Variants in GABRB2 observed in about 807,000 individuals in gnomAD.
The protein encoded by GABRB2 is gamma-aminobutyric acid type A receptor subunit beta2.
Under a neutral mutation model 54.7 loss-of-function variants are expected in GABRB2, and 16 were observed. The observed-to-expected ratio is 0.29, with a 90% CI of 0.20 to 0.44. GABRB2 has a LOEUF of 0.44. GABRB2 is among the 20% of genes least tolerant of loss of function. The pLI, the probability that GABRB2 is intolerant of heterozygous loss-of-function variation, is 1.00. For missense variants in GABRB2, 355 were observed against 644.0 expected (o/e 0.55, Z 4.86); for synonymous variants, 244 against 233.8 (o/e 1.04, Z -0.40).
intron 4 of GABRB2, among the ~76,000 whole-genome samples, chr5:161,424,594 T>A (rs1404915494): frequency 6.6e-6 from 1 of 152,144 alleles, no homozygotes; most frequent in African/African-American, 2.4e-5. Flanking sequence ...TAGGTTCCTT[T>A]CAAAATGTTA....
intron 9 of GABRB2, among the ~76,000 whole-genome samples, chr5:161,295,824 T>C (rs984152854): frequency 3.3e-5 from 5 of 152,252 alleles, no homozygotes; most frequent in African/African-American, 2.4e-5. Flanking sequence ...CTTTATGGTA[T>C]CATTTTGCTT....
intron 3 of GABRB2, among the ~76,000 whole-genome samples, chr5:161,500,698 G>A (rs1464556168): frequency 6.6e-6 from 1 of 152,096 alleles, no homozygotes; most frequent in Non-Finnish European, 1.5e-5. Context: ...TCATTGCAGG[G>A]AGATTATTGA....
At chr5:161,517,953 C>T (rs538162835) in intron 3 of GABRB2, among the ~76,000 whole-genome samples, 2 of 150,104 alleles carry the variant, frequency 1.3e-5, no homozygotes, top group South Asian at 4.2e-4. Context: ...CCCGCCACCA[C>T]ACCCGCCACC....
Position 161,293,700 on chromosome 5 carries a change from C to T in GABRB2, c.*381G>A, listed in dbSNP as rs907079848. On this transcript the variant is annotated 3_prime_UTR_variant, in exon 10 of 10. Transcript: ENST00000393959. ...GGACAATGCCATCTCAACAGCATGC[C>T]GACCTTAAAAAGGAAGATGAGGAGT... 9 of 183,740 alleles carry T rather than the reference C, an allele frequency of 4.9e-5. No homozygotes were observed. The highest frequency in any genetic ancestry group is 2.5e-3 in the Middle Eastern group (1 of 406). The allele number at this position is 183,740 out of a possible 1,614,324, so 11.4% of individuals were successfully genotyped here. A position where few individuals can be genotyped will look rare whatever the true frequency, so the allele number is the denominator to read the frequency against.
intron 4 of GABRB2, among the ~76,000 whole-genome samples, chr5:161,424,435 A>T (rs1036077757): frequency 6.6e-6 from 1 of 152,128 alleles, no homozygotes; most frequent in African/African-American, 2.4e-5. Context: ...ACCATTCCCA[A>T]AATCATAAGG....
At position 161,432,810 on chromosome 5, in the gene GABRB2, C is replaced by T. The variant is rs919224434; in HGVS notation, c.459-21753G>A. Among the ~76,000 whole-genome samples, 9 of 152,196 alleles carry T rather than the reference C, an allele frequency of 5.9e-5. No individual in the cohort carries two copies. In the East Asian group the frequency reaches 7.7e-4, roughly 13 times the overall value. On this transcript the variant is annotated intron_variant, in intron 4 of 9. Transcript: ENST00000393959. ...TGCTGTTCCCCGAGAGTCACCACAC[C>T]GCTGACTGCCATAAACTTAGACTGG...
intron 3 of GABRB2, among the ~76,000 whole-genome samples, chr5:161,525,076 T>G (rs1008577665): frequency 2.0e-5 from 3 of 151,484 alleles, no homozygotes; most frequent in African/African-American, 7.2e-5. Flanking sequence ...TATTTTGGAC[T>G]TTGCAAGCCA....
At chr5:161,540,456 G>A (rs532787699) in intron 3 of GABRB2, among the ~76,000 whole-genome samples, 3 of 152,246 alleles carry the variant, frequency 2.0e-5, no homozygotes, top group African/African-American at 7.2e-5. Flanking sequence ...ACACCTCAAA[G>A]TCATTCATGA....
chr5:161,473,361 A>T (rs975407087), intron 3 of GABRB2, among the ~76,000 whole-genome samples: 1 of 152,040 alleles, frequency 6.6e-6, no homozygotes. Flanking sequence ...GTAGGCCATG[A>T]TCCAAGATGC....
At chr5:161,338,258 TAC>T (rs1470339106) in intron 5 of GABRB2, among the ~76,000 whole-genome samples, 3 of 152,166 alleles carry the variant, frequency 2.0e-5, no homozygotes, top group Non-Finnish European at 2.9e-5. Flanking sequence ...GATGCAGAAC[TAC>T]AGTTTTTTGG....
At chr5:161,528,219 G>T (rs993164813) in intron 3 of GABRB2, among the ~76,000 whole-genome samples, 1 of 151,726 alleles carries the variant, frequency 6.6e-6, no homozygotes, top group Non-Finnish European at 1.5e-5. Flanking sequence ...TATTTCATGT[G>T]CATTCATGTG....
intron 4 of GABRB2, among the ~76,000 whole-genome samples, chr5:161,438,047 G>A (rs1008566053): frequency 1.3e-5 from 2 of 152,184 alleles, no homozygotes; most frequent in Non-Finnish European, 2.9e-5. Context: ...GGCCTTGAAT[G>A]AACCAAGGCA....
At position 161,463,555 on chromosome 5, in the gene GABRB2, T is replaced by TAGATA. The variant is rs1236064276; in HGVS notation, c.238-3712_238-3711insTATCT. On this transcript the variant is annotated intron_variant, in intron 3 of 9. Coordinates refer to ENST00000393959, the MANE Select transcript of GABRB2 (RefSeq NM_001371727.1). ...ACAAGGTGATTCCAAATATTTTTAT[T>TAGATA]TATATATATATATATATATATATAT... Among the ~76,000 whole-genome samples, 133 of 23,694 alleles carry TAGATA rather than the reference T, an allele frequency of 5.6e-3. 6 individuals carry two copies. The highest frequency in any genetic ancestry group is 0.022 in the African/African-American group (126 of 5,624). The allele number at this position is 23,694 out of a possible 152,430, so 15.5% of individuals were successfully genotyped here.
At chr5:161,317,816 T>A (rs1350460059) in intron 9 of GABRB2, among the ~76,000 whole-genome samples, 2 of 152,002 alleles carry the variant, frequency 1.3e-5, no homozygotes, top group East Asian at 1.9e-4. Context: ...AGAATAAGAA[T>A]AGGCAATTCA....
chr5:161,385,407 C>A (rs979785181), intron 5 of GABRB2, among the ~76,000 whole-genome samples: 2 of 152,138 alleles, frequency 1.3e-5, no homozygotes, highest in Admixed American at 6.6e-5. Context: ...TTGAAAAATT[C>A]TTTTGGAACA....
chr5:161,471,526 C>G (rs773510201), intron 3 of GABRB2, among the ~76,000 whole-genome samples: 25 of 151,990 alleles, frequency 1.6e-4, no homozygotes, highest in Admixed American at 8.5e-4. Flanking sequence ...AAGGGAAATC[C>G]AAGTTCAGAA....
chr5:161,475,447 G>A (rs560869511), intron 3 of GABRB2, among the ~76,000 whole-genome samples: 4 of 151,958 alleles, frequency 2.6e-5, no homozygotes, highest in African/African-American at 9.6e-5. Context: ...AGAAAAAATA[G>A]GGAACACTTC....
intron 5 of GABRB2, among the ~76,000 whole-genome samples, chr5:161,371,085 G>A (rs923712591): frequency 1.3e-5 from 2 of 152,112 alleles, no homozygotes; most frequent in Admixed American, 6.6e-5. Flanking sequence ...TGGGCACTAA[G>A]AGAGTGTTAA....
chr5:161,411,674 T>C (rs919588995), intron 4 of GABRB2, among the ~76,000 whole-genome samples: 5 of 152,158 alleles, frequency 3.3e-5, no homozygotes, highest in Non-Finnish European at 5.9e-5. Flanking sequence ...CATAGTTATA[T>C]ATTTAGAACA....
Sources: allele counts gnomAD v4.1 joint callset (sites outside exome capture counted in the v4.1 genomes callset), GRCh38; gene constraint gnomAD v4.1.1; transcripts MANE v1.5; gene names NCBI Gene and HGNC (gene_info 2026-07-23, HGNC 2026-07-21).